The following NFIB variants were observed in gnomAD, a reference collection of about 807,000 sequenced individuals.
NFIB encodes the protein nuclear factor I B.
A neutral mutation model predicts 61.5 loss-of-function variants in NFIB; 11 were observed. The ratio of observed to expected loss-of-function variants is 0.18; its 90% confidence interval spans 0.11 to 0.30. The LOEUF is 0.30. Among genes scored for constraint, NFIB ranks in the 10% least tolerant of loss-of-function variants. The pLI is 1.00. For synonymous variants in NFIB, 260 were observed against 216.5 expected (o/e 1.20, Z -1.76); for missense variants, 471 against 608.9 (o/e 0.77, Z 2.38).
chr9:14,388,880 G>A (rs2061587113), intron 1 of NFIB, among the ~76,000 whole-genome samples: 1 of 152,100 alleles, frequency 6.6e-6, no homozygotes, highest in South Asian at 2.1e-4. Flanking sequence ...TTAAAAAACA[G>A]GAATAACTAG....
At chr9:14,257,304 G>A (rs2056312459) in intron 2 of NFIB, among the ~76,000 whole-genome samples, 1 of 152,092 alleles carries the variant, frequency 6.6e-6, no homozygotes, top group African/African-American at 2.4e-5. Flanking sequence ...TACAGCTACT[G>A]CACAGCTGAA....
At position 14,260,985 on chromosome 9, in the gene NFIB, G is replaced by A. The variant is rs1246822718; in HGVS notation, c.562+46004C>T. Among the ~76,000 whole-genome samples the A allele has an allele frequency of 5.7e-5, 2 of 34,946 alleles. 1 individual carries two copies. The highest frequency in any genetic ancestry group is 9.4e-4 in the Admixed American group (2 of 2,120). 22.9% of individuals were successfully genotyped at this position (34,946 alleles called of 152,430 possible). On this transcript the variant is annotated intron_variant, in intron 2 of 10. Transcript: ENST00000380953. ...GGTATACTAAATTGGTGGAATCCAGGAAAGGAGGAGGGAAAAAAGTCAAGA... is the reference window on the plus strand; with the variant it reads ...GGTATACTAAATTGGTGGAATCCAGAAAAGGAGGAGGGAAAAAAGTCAAGA...
chr9:14,312,054 GTTAAA>G lies in NFIB; in HGVS notation c.30+1423_30+1427del, dbSNP rs548554129. ...CTCAGCAACTCATTTTTCCAGTTTT[GTTAAA>G]TTAAAGTGCGTGTTTACTTGCTGAA... On this transcript the variant is annotated intron_variant, in intron 1 of 10. Transcript: ENST00000380953. Among the ~76,000 whole-genome samples the G allele has an allele frequency of 9.2e-5, 14 of 152,182 alleles. No homozygotes were observed. In the East Asian group the frequency reaches 1.5e-3, roughly 17 times the overall value.
chr9:14,146,656 C>A (rs1428936024), intron 6 of NFIB, 33 bp downstream of exon 6: 1 of 1,612,482 alleles, frequency 6.2e-7, no homozygotes, highest in Admixed American at 1.7e-5. Context: ...ACATTTTACT[C>A]ATGGTCTCTA....
chr9:14,447,506 G>C, the NFIB span, among the ~76,000 whole-genome samples: 1 of 152,114 alleles, frequency 6.6e-6, no homozygotes, highest in East Asian at 1.9e-4. Context: ...CACTAAATGA[G>C]TGTGAATTCA....
chr9:14,372,569 T>A (rs1462210378), intron 1 of NFIB, among the ~76,000 whole-genome samples: 3 of 152,178 alleles, frequency 2.0e-5, no homozygotes, highest in Non-Finnish European at 2.9e-5. Flanking sequence ...CTAGCCTTAT[T>A]CTCTAATTAC....
intron 1 of NFIB, among the ~76,000 whole-genome samples, chr9:14,367,777 G>A (rs530919993): frequency 6.6e-6 from 1 of 152,270 alleles, no homozygotes; most frequent in Non-Finnish European, 1.5e-5. Context: ...ACTAACACAG[G>A]AACAGAAAAC....
At chr9:14,253,561 G>T (rs1314938759) in intron 2 of NFIB, among the ~76,000 whole-genome samples, 2 of 152,102 alleles carry the variant, frequency 1.3e-5, no homozygotes, top group Non-Finnish European at 2.9e-5. Flanking sequence ...CTAGCACAGG[G>T]GCTCACACCT....
At chr9:14,493,908 A>G in the NFIB span, among the ~76,000 whole-genome samples, 1,063 of 152,318 alleles carry the variant, frequency 7.0e-3, 7 homozygotes, top group African/African-American at 0.024. Flanking sequence ...TGGCAGAATC[A>G]GAGAGGACTA....
chr9:14,230,214 T>A (rs1286046813), intron 2 of NFIB, among the ~76,000 whole-genome samples: 4 of 152,212 alleles, frequency 2.6e-5, no homozygotes, highest in African/African-American at 4.8e-5. Context: ...GAGAAAGCCA[T>A]TCATTTATTA....
intron 6 of NFIB, among the ~76,000 whole-genome samples, chr9:14,143,854 G>C (rs2042005708): frequency 6.6e-6 from 1 of 152,064 alleles, no homozygotes; most frequent in African/African-American, 2.4e-5. Context: ...AGAACAAAAG[G>C]ACTGCATTGG....
the NFIB span, among the ~76,000 whole-genome samples, chr9:14,516,951 G>A: frequency 1.3e-5 from 2 of 152,220 alleles, no homozygotes; most frequent in African/African-American, 4.8e-5. Flanking sequence ...CACAAAACAT[G>A]ATAGAGTAGA....
rs375744226 is a variant in NFIB at position 14,354,343 on chromosome 9, C to T, written c.108+44181G>A. Among the ~76,000 whole-genome samples the T allele has an allele frequency of 2.7e-4, 41 of 152,306 alleles. No individual in the cohort carries two copies. The East Asian group carries it at 7.7e-3, about 29-fold the overall frequency. ...TGCAGAGTGAACAGGGCTTCAGTCT[C>T]TGCTCTGTTTCTTTTAAAAATAAAG... On this transcript the variant is annotated intron_variant, in intron 1 of 8. Transcript: ENST00000380934.
the NFIB span, among the ~76,000 whole-genome samples, chr9:14,409,330 T>G: frequency 6.6e-6 from 1 of 152,204 alleles, no homozygotes; most frequent in Non-Finnish European, 1.5e-5. Context: ...TCTGTTCTTA[T>G]GAGCAGGTGC....
chr9:14,202,903 G>A (rs1176075005), intron 2 of NFIB, among the ~76,000 whole-genome samples: 1 of 152,182 alleles, frequency 6.6e-6, no homozygotes, highest in Non-Finnish European at 1.5e-5. Context: ...GAGCTGAACA[G>A]TTGAATGCTA....
intron 1 of NFIB, among the ~76,000 whole-genome samples, chr9:14,342,932 C>T (rs536242457): frequency 6.6e-6 from 1 of 151,920 alleles, no homozygotes; most frequent in Non-Finnish European, 1.5e-5. Flanking sequence ...TCAGAGTTGC[C>T]CCTTATGTTG....
intron 2 of NFIB, among the ~76,000 whole-genome samples, chr9:14,262,754 T>C (rs1439046463): frequency 6.6e-6 from 1 of 152,190 alleles, no homozygotes; most frequent in Non-Finnish European, 1.5e-5. Flanking sequence ...CAAGAGTCAC[T>C]GGTAAGGCAG....
At chr9:14,093,766 T>C (rs576843167) in intron 10 of NFIB, among the ~76,000 whole-genome samples, 8 of 152,186 alleles carry the variant, frequency 5.3e-5, no homozygotes, top group African/African-American at 1.9e-4. Flanking sequence ...GGGTTGTACA[T>C]GGGTGCATTC....
upstream of NFIB, among the ~76,000 whole-genome samples, chr9:14,399,502 A>C (rs2061721318): frequency 6.6e-6 from 1 of 152,216 alleles, no homozygotes; most frequent in African/African-American, 2.4e-5. Context: ...ATTTGCAAGT[A>C]ATCAAAATAA....
Sources: gnomAD v4.1 joint callset for allele counts (sites outside exome capture counted in the v4.1 genomes callset) on GRCh38, gnomAD v4.1.1 for gene constraint, MANE v1.5 for transcripts, NCBI Gene and HGNC (gene_info 2026-07-23, HGNC 2026-07-21) for gene names.